The following SERTM1 variants were observed in gnomAD, a reference collection of about 807,000 sequenced individuals.
SERTM1 encodes the protein serine-rich and transmembrane domain-containing protein 1.
A neutral mutation model predicts 5.5 loss-of-function variants in SERTM1; 1 was observed. That is an observed-to-expected ratio of 0.18 (90% confidence interval 0.06 to 0.86). The LOEUF (loss-of-function observed/expected upper bound fraction) is 0.86, where lower values mean the gene tolerates loss of function less well. SERTM1 is among the 40% of genes least tolerant of loss of function. SERTM1 has a pLI of 0.69. For missense variants in SERTM1, 91 were observed against 122.4 expected, an observed-to-expected ratio of 0.74 and a Z score of 1.21; for synonymous variants, 52 against 55.1, an observed-to-expected ratio of 0.94 and a Z score of 0.25.
At chr13:36,682,963 T>C (rs941780011) in intron 1 of SERTM1, among the ~76,000 whole-genome samples, 2 of 152,226 alleles carry the variant, frequency 1.3e-5, no homozygotes, top group Non-Finnish European at 2.9e-5. Context: ...TGGCATGATC[T>C]CTGCTCACTG....
chr13:36,695,188 A>G lies in SERTM1; in HGVS notation c.110A>G (p.His37Arg). Residue 37 changes from histidine (H) to arginine (R), a missense_variant, in exon 2 of 2, where the codon CAC becomes CGC. His to Arg is a conservative substitution (Grantham distance 29). Coordinates refer to ENST00000315190, the MANE Select transcript of SERTM1 (RefSeq NM_203451.3). Reference protein sequence around the residue: ...LSTSVDPSSGHLSNVYIYVSI... With the variant: ...LSTSVDPSSGRLSNVYIYVSI... ...ACGTCAGTGGACCCATCCTCAGGCC[A>G]CCTGTCAAACGTCTACATCTATGTG... 6.2e-7 allele frequency: 1 copy of G among 1,614,194 alleles called. No homozygotes were observed. The highest frequency in any genetic ancestry group is 8.5e-7 in the Non-Finnish European group (1 of 1,180,000).
At chr13:36,690,338 G>A (rs1057294724) in intron 1 of SERTM1, among the ~76,000 whole-genome samples, 2 of 151,732 alleles carry the variant, frequency 1.3e-5, no homozygotes, top group Admixed American at 6.6e-5. Context: ...AAGTAAAGGC[G>A]GTTCTCAAAT....
chr13:36,674,161 G>C lies in SERTM1; in HGVS notation c.-197G>C, dbSNP rs929609869. On this transcript the variant is annotated 5_prime_UTR_variant, in exon 1 of 2. Transcript: ENST00000315190. The stretch of plus-strand genomic sequence containing the variant: ...CCGCTAGCGCAGGAGACCTGCCGGG[G>C]AAGTCGCGTGTCCTGACCTGCAGGT... 3 of 152,288 alleles carry C rather than the reference G, an allele frequency of 2.0e-5. No homozygotes were observed. The highest frequency in any genetic ancestry group is 7.2e-5 in the African/African-American group (3 of 41,450). 9.4% of individuals were successfully genotyped at this position (152,288 alleles called of 1,614,324 possible). A position where few individuals can be genotyped will look rare whatever the true frequency, so the allele number is the denominator to read the frequency against.
Position 36,696,591 on chromosome 13 carries a change from A to G in SERTM1, c.*1189A>G. 6.0e-6 allele frequency: 1 copy of G among 166,980 alleles called. No individual in the cohort carries two copies. 10.3% of individuals were successfully genotyped at this position (166,980 alleles called of 1,614,324 possible). ...GGAGCTGCCGTGCTGCAGGCAGCAG[A>G]GTATGTCTGAACTCGGCGGGCGGGT... On this transcript the variant is annotated 3_prime_UTR_variant, in exon 2 of 2. Transcript: ENST00000315190.
intron 1 of SERTM1, among the ~76,000 whole-genome samples, chr13:36,688,244 C>T (rs8002345): frequency 0.015 from 2,232 of 151,426 alleles, 63 homozygotes; most frequent in African/African-American, 0.05. Context: ...GACAGGGTCT[C>T]ACTCTGTCAC....
intron 1 of SERTM1, among the ~76,000 whole-genome samples, chr13:36,683,856 GACT>G (rs1341195126): frequency 6.6e-6 from 1 of 152,184 alleles, no homozygotes; most frequent in Non-Finnish European, 1.5e-5. Flanking sequence ...CAGCACTAGT[GACT>G]ACAAGTCTCA....
chr13:36,674,655 T>G (rs908695), intron 1 of SERTM1, among the ~76,000 whole-genome samples: 69,168 of 151,824 alleles, frequency 0.46, 16,762 homozygotes, highest in Middle Eastern at 0.58. Context: ...ATTCTTGGGT[T>G]TGTTTTGCTC....
At chr13:36,675,553 A>G (rs2056664692) in intron 1 of SERTM1, among the ~76,000 whole-genome samples, 1 of 152,224 alleles carries the variant, frequency 6.6e-6, no homozygotes, top group Non-Finnish European at 1.5e-5. Context: ...TTATACAACT[A>G]GTCTGGGTGT....
At chr13:36,686,258 A>C (rs145393648) in intron 1 of SERTM1, among the ~76,000 whole-genome samples, 2 of 152,346 alleles carry the variant, frequency 1.3e-5, no homozygotes, top group Non-Finnish European at 2.9e-5. Flanking sequence ...CTTACTGGGC[A>C]TCATGAGCTG....
chr13:36,689,147 G>A (rs550434382), intron 1 of SERTM1, among the ~76,000 whole-genome samples: 1 of 152,138 alleles, frequency 6.6e-6, no homozygotes, highest in East Asian at 1.9e-4. Flanking sequence ...AGTTATTCTT[G>A]CTAAGGCAGT....
At chr13:36,685,422 G>A (rs1314433071) in intron 1 of SERTM1, among the ~76,000 whole-genome samples, 1 of 152,204 alleles carries the variant, frequency 6.6e-6, no homozygotes, top group Non-Finnish European at 1.5e-5. Flanking sequence ...TAGTCTCCTT[G>A]TATAGATCGT....
At chr13:36,692,530 AAGAG>A (rs1305600831) in intron 1 of SERTM1, among the ~76,000 whole-genome samples, 10 of 152,344 alleles carry the variant, frequency 6.6e-5, no homozygotes, top group African/African-American at 2.2e-4. Flanking sequence ...CTGTAGGACT[AAGAG>A]AGACCTTGAA....
In SERTM1 at chr13:36,674,531, C is replaced by G. The variant is rs536617896; in HGVS notation, c.-174+347C>G. 2.0e-5 allele frequency among the ~76,000 whole-genome samples: 3 copies of G among 152,214 alleles called. No homozygotes were observed. In the East Asian group the frequency reaches 5.8e-4, roughly 30 times the overall value. ...CCCAGACACTGGGAACCGGGAAGGT[C>G]TACCCTCGCTCTGCAAGGTGGATTC... On this transcript the variant is annotated intron_variant, in intron 1 of 1. Coordinates refer to ENST00000315190, the MANE Select transcript of SERTM1 (RefSeq NM_203451.3).
chr13:36,682,724 A>G (rs1367104833), intron 1 of SERTM1, among the ~76,000 whole-genome samples: 1 of 152,212 alleles, frequency 6.6e-6, no homozygotes, highest in Non-Finnish European at 1.5e-5. Flanking sequence ...GACAGACCAT[A>G]TAAGAGAAGT....
At chr13:36,693,882 C>T (rs1162624802) in intron 1 of SERTM1, among the ~76,000 whole-genome samples, 2 of 148,082 alleles carry the variant, frequency 1.4e-5, no homozygotes, top group African/African-American at 5.3e-5. Flanking sequence ...AAAGACTTAT[C>T]TATCAGGAGG....
At chr13:36,679,319 G>A (rs755887666) in intron 1 of SERTM1, among the ~76,000 whole-genome samples, 5 of 152,196 alleles carry the variant, frequency 3.3e-5, no homozygotes, top group Non-Finnish European at 7.3e-5. Flanking sequence ...TTTGTTGTTG[G>A]TGTTGTTGAA....
intron 1 of SERTM1, among the ~76,000 whole-genome samples, chr13:36,688,119 T>C (rs534248847): frequency 6.6e-6 from 1 of 152,292 alleles, no homozygotes; most frequent in Non-Finnish European, 1.5e-5. Context: ...ACAAATTATT[T>C]TACTATAGAG....
At chr13:36,684,417 A>G (rs936130529) in intron 1 of SERTM1, among the ~76,000 whole-genome samples, 3 of 152,254 alleles carry the variant, frequency 2.0e-5, no homozygotes, top group Admixed American at 6.5e-5. Context: ...ACAGACACAC[A>G]TCCAAAATTG....
intron 1 of SERTM1, among the ~76,000 whole-genome samples, chr13:36,680,913 A>G (rs1328526351): frequency 6.6e-6 from 1 of 152,224 alleles, no homozygotes; most frequent in Non-Finnish European, 1.5e-5. Flanking sequence ...AAAGGAAAAC[A>G]AAAGAATAAA....
Sources: gnomAD v4.1 joint callset for allele counts (sites outside exome capture counted in the v4.1 genomes callset) on GRCh38, gnomAD v4.1.1 for gene constraint, MANE v1.5 for transcripts, NCBI Gene and HGNC (gene_info 2026-07-23, HGNC 2026-07-21) for gene names.